Variants in HSP90B1 observed in about 807,000 individuals in gnomAD.
HSP90B1 encodes endoplasmin.
In HSP90B1, 27 loss-of-function variants were observed where a neutral mutation model predicts 100.4. The ratio of observed to expected loss-of-function variants is 0.27; its 90% CI spans 0.20 to 0.37. The LOEUF is 0.37. Ranked by LOEUF, HSP90B1 falls within the 10% of genes least tolerant of loss-of-function variation. The pLI, the probability that HSP90B1 is intolerant of heterozygous loss-of-function variation, is 1.00. For missense variants in HSP90B1, 678 were observed against 960.5 expected (o/e 0.71, Z 3.89); for synonymous variants, 304 against 330.8 (o/e 0.92, Z 0.88).
rs1364328926 is a variant in HSP90B1, at chr12:103,939,592, T to C, written c.1059T>C (p.Asp353=). ...GACCATCAAAAGAAGTAGAAGAAGATGAATACAAAGCTTTCTACAAATCAT... is the reference window on the plus strand; with the variant it reads ...GACCATCAAAAGAAGTAGAAGAAGACGAATACAAAGCTTTCTACAAATCAT... The part of the protein sequence containing the change: ...WQRPSKEVEE[D]EYKAFYKSFS... The change falls in exon 8 of 18, where the codon GAT becomes GAC. Residue 353 remains aspartate, a synonymous_variant. Coordinates refer to ENST00000299767, the MANE Select transcript of HSP90B1 (RefSeq NM_003299.3). 5.1e-6 allele frequency: 8 copies of C among 1,567,420 alleles called. No individual in the cohort carries two copies. The highest frequency in any genetic ancestry group is 7.0e-6 in the Non-Finnish European group (8 of 1,149,606).
intron 2 of HSP90B1, 200 bp downstream of exon 2, chr12:103,931,823 A>C: frequency 1.6e-6 from 1 of 616,790 alleles, no homozygotes; most frequent in Non-Finnish European, 3.0e-6. Context: ...TTTGAAAACT[A>C]TATTGCAGAA....
At chr12:103,945,327 A>G (rs1038181886) in intron 14 of HSP90B1, among the ~76,000 whole-genome samples, 1 of 152,096 alleles carries the variant, frequency 6.6e-6, no homozygotes, top group Non-Finnish European at 1.5e-5. Flanking sequence ...AAAAAAGAGG[A>G]AAAAAAGCAA....
intron 4 of HSP90B1, among the ~76,000 whole-genome samples, chr12:103,933,308 T>C (rs980882952): frequency 6.6e-6 from 1 of 152,258 alleles, no homozygotes; most frequent in Non-Finnish European, 1.5e-5. Context: ...GCCTGTGGTC[T>C]TTGCTCTGCC....
In HSP90B1 at chr12:103,938,341, C is replaced by T. The variant is rs967955765; in HGVS notation, c.857C>T (p.Thr286Ile). 6.5e-7 allele frequency: 1 copy of T among 1,544,718 alleles called. No individual in the cohort carries two copies. The highest frequency in any genetic ancestry group is 8.7e-7 in the Non-Finnish European group (1 of 1,143,236). Reference sequence around the variant, plus strand: ...ACCATAATTCTCTTATTTCAACAGACTGAAACTGTTGAGGAGCCCATGGAG... The same window carrying T: ...ACCATAATTCTCTTATTTCAACAGATTGAAACTGTTGAGGAGCCCATGGAG... ...NFPIYVWSSK[T>I]ETVEEPMEEE... is the part of the protein sequence containing the mutation. The change falls in exon 7 of 18, where the codon ACT (threonine) becomes ATT (isoleucine). Residue 286 changes from threonine (T) to isoleucine (I), a missense_variant and splice_region_variant. This residue lies in a region of HSP90B1 where 238 missense variants were observed against 346.7 expected (regional missense o/e 0.69). Coordinates refer to ENST00000299767, the MANE Select transcript of HSP90B1 (RefSeq NM_003299.3).
intron 7 of HSP90B1, 36 bp from the exon 8 acceptor site, chr12:103,939,473 C>T (rs1397132727): frequency 1.5e-5 from 14 of 952,442 alleles, no homozygotes; most frequent in Non-Finnish European, 2.2e-5. Context: ...TTGGTGAGTG[C>T]TGAGAGAGAC....
At chr12:103,947,040 AT>A in intron 16 of HSP90B1, 99 bp downstream of exon 16, 1 of 1,307,678 alleles carries the variant, frequency 7.6e-7, no homozygotes, top group East Asian at 2.3e-5. Flanking sequence ...GCTTTGCGAC[AT>A]TTGCCTAATT....
chr12:103,938,221 A>G (rs1869972083), intron 6 of HSP90B1, 119 bp from the exon 7 acceptor site: 1 of 799,642 alleles, frequency 1.3e-6, no homozygotes, highest in Non-Finnish European at 1.9e-6. Flanking sequence ...AGTTAAGGAT[A>G]CTCTCAGGGT....
In HSP90B1 at chr12:103,943,050, C is replaced by T. The variant is rs1870122807; in HGVS notation, c.1645-24C>T. On this transcript the variant is annotated intron_variant, in intron 12 of 17. Coordinates refer to ENST00000299767, the MANE Select transcript of HSP90B1 (RefSeq NM_003299.3). The surrounding 1 kb of genome is among the most constrained non-coding windows in gnomAD (Gnocchi z 5.3). The stretch of plus-strand genomic sequence containing the variant: ...ATACACCAGGGCCAGACTTGGAAAA[C>T]TTTGTGACTTCTTAATTTTGTAGGC... 1 of 1,611,454 alleles carries T rather than the reference C, an allele frequency of 6.2e-7. No individual in the cohort carries two copies. The highest frequency in any genetic ancestry group is 8.5e-7 in the Non-Finnish European group (1 of 1,178,608).
chr12:103,932,002 G>T, intron 2 of HSP90B1: 1 of 457,350 alleles, frequency 2.2e-6, no homozygotes, highest in Non-Finnish European at 4.0e-6. Context: ...TCCTCACTGT[G>T]GAGCATAAAT....
Position 103,943,130 on chromosome 12 carries a change from C to T in HSP90B1, c.1701C>T (p.Tyr567=), listed in dbSNP as rs749386550. The change falls in exon 13 of 18, where the codon TAC becomes TAT. Residue 567 remains tyrosine (Y), a synonymous_variant. Coordinates refer to ENST00000299767, the MANE Select transcript of HSP90B1 (RefSeq NM_003299.3). The surrounding 1 kb of genome is among the most constrained non-coding windows in gnomAD (Gnocchi z 5.3). The stretch of plus-strand genomic sequence containing the variant: ...TGAAAAAGGGCTATGAAGTTATTTA[C>T]CTCACAGAACCTGTGGATGAATACT... ...RLLKKGYEVI[Y]LTEPVDEYCI... is the part of the protein sequence containing the mutation. 7.4e-6 allele frequency: 12 copies of T among 1,613,994 alleles called. No individual in the cohort carries two copies. Among genetic ancestry groups the T allele is most frequent in the Non-Finnish European group, 8.5e-6 (10 of 1,179,992 alleles).
chr12:103,939,893 G>A (rs914597155), intron 8 of HSP90B1, among the ~76,000 whole-genome samples: 1 of 152,158 alleles, frequency 6.6e-6, no homozygotes, highest in African/African-American at 2.4e-5. Flanking sequence ...TTGGTTTCCA[G>A]AACACACCAT....
At position 103,932,958 on chromosome 12, in the gene HSP90B1, TTTTTC is replaced by T; in HGVS notation, c.411+20_411+24del. ...CAAAATTAAGGTAAGTGTAAGGCAG[TTTTTC>T]TTTCTTTTAAAGGAAAAGGAATCCT... is the stretch of plus-strand genomic sequence containing the variant. On this transcript the variant is annotated intron_variant, in intron 4 of 17. Transcript: ENST00000299767. 8.3e-7 allele frequency: 1 copy of T among 1,206,860 alleles called. No homozygotes were observed. The highest frequency in any genetic ancestry group is 1.2e-6 in the Non-Finnish European group (1 of 811,066). 74.8% of individuals were successfully genotyped at this position (1,206,860 alleles called of 1,614,324 possible).
Position 103,930,478 on chromosome 12 carries a change from GCGATC to G in HSP90B1, c.-37_-33del. ...GGGGTGGGGGGTGGAGGCGGCTCCT[GCGATC>G]GAAGGGGACTTGAGACTCACCGGCC... is the stretch of plus-strand genomic sequence containing the variant. On this transcript the variant is annotated 5_prime_UTR_variant, in exon 1 of 18. Coordinates refer to ENST00000299767, the MANE Select transcript of HSP90B1 (RefSeq NM_003299.3). This position sits in a 1 kb window ranked among gnomAD's most constrained non-coding sequence, Gnocchi z 4.4. 1 of 1,576,982 alleles carries G rather than the reference GCGATC, an allele frequency of 6.3e-7. No individual in the cohort carries two copies. Among genetic ancestry groups the G allele is most frequent in the Non-Finnish European group, 8.6e-7 (1 of 1,160,552 alleles).
rs202050731 is a variant in HSP90B1, at chr12:103,942,769, C to T, written c.1617C>T (p.Tyr539=). The T allele has an allele frequency of 7.4e-6, 12 of 1,613,928 alleles. No individual in the cohort carries two copies. In the African/African-American group the frequency reaches 1.5e-4, roughly 20 times the overall value. ...TGAAGGAAAAACAAGACAAAATCTA[C>T]TTCATGGCTGGGTCCAGCAGAAAAG... The part of the protein sequence containing the change: ...ERMKEKQDKI[Y]FMAGSSRKEA... Residue 539 remains tyrosine, a synonymous_variant, in exon 12 of 18, where the codon TAC becomes TAT. Transcript: ENST00000299767.
chr12:103,939,861 T>C (rs1341969186), intron 8 of HSP90B1, among the ~76,000 whole-genome samples: 2 of 152,220 alleles, frequency 1.3e-5, no homozygotes, highest in Non-Finnish European at 2.9e-5. Flanking sequence ...GACACCTCAG[T>C]AGAGATGGTC....
Position 103,943,621 on chromosome 12 carries a change from A to G in HSP90B1, c.1891-117A>G, listed in dbSNP as rs1870141791. ...CTAAACCTTAAGAAAAGCTATTTTT[A>G]TGACCTGCTTCTGTGTTTATGATCT... On this transcript the variant is annotated intron_variant, in intron 13 of 17. Transcript: ENST00000299767. This position sits in a 1 kb window ranked among gnomAD's most constrained non-coding sequence, Gnocchi z 5.3. 9.4e-7 allele frequency: 1 copy of G among 1,063,850 alleles called. No individual in the cohort carries two copies. Among genetic ancestry groups the G allele is most frequent in the Non-Finnish European group, 1.3e-6 (1 of 751,000 alleles). 65.9% of individuals were successfully genotyped at this position (1,063,850 alleles called of 1,614,324 possible).
chr12:103,938,170 C>CAAAAA, intron 6 of HSP90B1, 170 bp from the exon 7 acceptor site: 1 of 365,236 alleles, frequency 2.7e-6, no homozygotes, highest in Non-Finnish European at 4.7e-6. Flanking sequence ...GACTCTGTCT[C>CAAAAA]AAAAAAAAAA....
Position 103,943,022 on chromosome 12 carries a change from C to T in HSP90B1, c.1645-52C>T. ...TAAACATAGCAGCTGCTAGGATAAA[C>T]AAATACACCAGGGCCAGACTTGGAA... is the stretch of plus-strand genomic sequence containing the variant. On this transcript the variant is annotated intron_variant, in intron 12 of 17. Transcript: ENST00000299767. This position sits in a 1 kb window ranked among gnomAD's most constrained non-coding sequence, Gnocchi z 5.3. 1 of 1,598,468 alleles carries T rather than the reference C, an allele frequency of 6.3e-7. No homozygotes were observed. The highest frequency in any genetic ancestry group is 8.5e-7 in the Non-Finnish European group (1 of 1,173,452).
chr12:103,939,722 A>G, intron 8 of HSP90B1, 97 bp downstream of exon 8: 1 of 583,680 alleles, frequency 1.7e-6, no homozygotes, highest in Non-Finnish European at 3.0e-6. Context: ...CATGAATATG[A>G]GATGGTCCAT....
Sources: gnomAD v4.1 joint callset for allele counts (sites outside exome capture counted in the v4.1 genomes callset) on GRCh38, gnomAD v4.1.1 for gene constraint, gnomAD v4.1.1 regional missense constraint, Gnocchi (gnomAD v3.1) non-coding constraint, MANE v1.5 for transcripts, NCBI Gene and HGNC (gene_info 2026-07-23, HGNC 2026-07-21) for gene names.